APBB1IP: variants seen among roughly 807,000 people sequenced by gnomAD.
APBB1IP encodes the protein amyloid beta precursor protein binding family B member 1 interacting protein.
A neutral mutation model predicts 64.9 loss-of-function variants in APBB1IP; 27 were observed. That is an observed-to-expected ratio of 0.42 (90% confidence interval 0.31 to 0.57). The LOEUF (loss-of-function observed/expected upper bound fraction) is 0.57. APBB1IP is among the 20% of genes least tolerant of loss of function. The pLI is 0.20. For synonymous variants in APBB1IP, 392 were observed against 331.0 expected (o/e 1.18, Z -2.00); for missense variants, 812 against 845.5 (o/e 0.96, Z 0.49).
At chr10:26,472,501 T>A (rs1835730493) in intron 2 of APBB1IP, among the ~76,000 whole-genome samples, 1 of 152,224 alleles carries the variant, frequency 6.6e-6, no homozygotes, top group African/African-American at 2.4e-5. Context: ...GAGGTATCTG[T>A]GCAGTTAAAG....
At chr10:26,444,812 G>A (rs1335799973) in intron 2 of APBB1IP, among the ~76,000 whole-genome samples, 1 of 152,074 alleles carries the variant, frequency 6.6e-6, no homozygotes, top group Non-Finnish European at 1.5e-5. Flanking sequence ...TTAAGAAATG[G>A]GACATAGGCT....
intron 4 of APBB1IP, among the ~76,000 whole-genome samples, chr10:26,497,673 G>A (rs1021061991): frequency 2.0e-5 from 3 of 149,146 alleles, no homozygotes; most frequent in Non-Finnish European, 3.0e-5. Flanking sequence ...TAGGAGAAAA[G>A]TTCAATTACA....
In APBB1IP at chr10:26,513,648, T is replaced by A. The variant is rs776817044; in HGVS notation, c.801T>A (p.Phe267Leu). 3 of 1,611,618 alleles carry A rather than the reference T, an allele frequency of 1.9e-6. No homozygotes were observed. The African/African-American group carries it at 4.0e-5, about 22-fold the overall frequency. The stretch of plus-strand genomic sequence containing the variant: ...AGAAAGAGGAGAAATATGCTGTATT[T>A]AAAAACCCCCAGGTAAGATGATCTG... Reference protein sequence around the residue: ...FLEKEEKYAVFKNPQNFYLDN... With the variant: ...FLEKEEKYAVLKNPQNFYLDN... Residue 267 changes from phenylalanine (F) to leucine (L), a missense_variant, in exon 8 of 15, where the codon TTT (phenylalanine) becomes TTA (leucine). By Grantham distance (22) the Phe-to-Leu change is conservative. Coordinates refer to ENST00000376236, the MANE Select transcript of APBB1IP (RefSeq NM_019043.4).
At chr10:26,523,910 G>A (rs998519518) in intron 8 of APBB1IP, among the ~76,000 whole-genome samples, 1 of 152,122 alleles carries the variant, frequency 6.6e-6, no homozygotes, top group Non-Finnish European at 1.5e-5. Flanking sequence ...ACTGTCCTCT[G>A]CTTTACAAAG....
chr10:26,558,674 G>T (rs1022297556), intron 11 of APBB1IP, among the ~76,000 whole-genome samples: 1 of 151,948 alleles, frequency 6.6e-6, no homozygotes, highest in African/African-American at 2.4e-5. Flanking sequence ...CGACAGAGGA[G>T]GCTGAGGTGG....
intron 14 of APBB1IP, among the ~76,000 whole-genome samples, chr10:26,565,104 A>G (rs1357524710): frequency 6.6e-6 from 1 of 152,356 alleles, no homozygotes; most frequent in African/African-American, 2.4e-5. Flanking sequence ...CCTGTAGCCA[A>G]GAGAGAACTA....
intron 2 of APBB1IP, among the ~76,000 whole-genome samples, chr10:26,446,639 T>G (rs10829000): frequency 0.39 from 58,995 of 152,036 alleles, 11,639 homozygotes; most frequent in South Asian, 0.5. Context: ...GGAACTTTTT[T>G]TCCAGTTTCA....
At chr10:26,477,088 A>C (rs1835785143) in intron 2 of APBB1IP, among the ~76,000 whole-genome samples, 1 of 152,152 alleles carries the variant, frequency 6.6e-6, no homozygotes, top group African/African-American at 2.4e-5. Flanking sequence ...GGTGTGAACC[A>C]CCGTACCCAG....
chr10:26,518,735 A>C (rs1443829893), intron 8 of APBB1IP, among the ~76,000 whole-genome samples: 3 of 152,172 alleles, frequency 2.0e-5, no homozygotes, highest in African/African-American at 7.2e-5. Flanking sequence ...TGCCTGCTCA[A>C]ATCCTTTGCC....
chr10:26,500,385 T>C (rs1296810615), intron 4 of APBB1IP, among the ~76,000 whole-genome samples: 2 of 152,204 alleles, frequency 1.3e-5, no homozygotes, highest in East Asian at 3.8e-4. Context: ...ATAGCAGCAG[T>C]ACTCTCTTTG....
intron 2 of APBB1IP, among the ~76,000 whole-genome samples, chr10:26,478,640 G>A (rs898660265): frequency 6.6e-6 from 1 of 150,870 alleles, no homozygotes; most frequent in African/African-American, 2.4e-5. Context: ...GGAAAAGAAA[G>A]AGGCACTTGG....
intron 6 of APBB1IP, among the ~76,000 whole-genome samples, chr10:26,506,076 TC>T (rs1836172029): frequency 6.6e-6 from 1 of 152,148 alleles, no homozygotes; most frequent in Non-Finnish European, 1.5e-5. Context: ...ACTTTGCAGG[TC>T]CTCTGCCTCT....
chr10:26,563,788 C>G (rs952282052), intron 14 of APBB1IP, among the ~76,000 whole-genome samples: 5 of 152,110 alleles, frequency 3.3e-5, no homozygotes, highest in Admixed American at 6.5e-5. Context: ...TGGTATTTAT[C>G]GAACTTATAA....
intron 2 of APBB1IP, among the ~76,000 whole-genome samples, chr10:26,477,425 C>T (rs1835788449): frequency 6.6e-6 from 1 of 152,036 alleles, no homozygotes; most frequent in Non-Finnish European, 1.5e-5. Flanking sequence ...TTTCACCTAC[C>T]CTGGAGTTTG....
chr10:26,515,228 G>C (rs1836312152), intron 8 of APBB1IP, among the ~76,000 whole-genome samples: 1 of 152,078 alleles, frequency 6.6e-6, no homozygotes. Context: ...CATCTAAATT[G>C]CTGTAGCAAA....
intron 2 of APBB1IP, among the ~76,000 whole-genome samples, chr10:26,443,295 A>G (rs948716510): frequency 2.0e-5 from 3 of 152,052 alleles, no homozygotes; most frequent in Middle Eastern, 3.4e-3. Flanking sequence ...ATGGTGGTGC[A>G]TGCCTGTAAT....
At chr10:26,443,714 T>A (rs771600111) in intron 2 of APBB1IP, among the ~76,000 whole-genome samples, 30 of 151,226 alleles carry the variant, frequency 2.0e-4, no homozygotes, top group Non-Finnish European at 2.9e-4. Flanking sequence ...AAAAAAAAAA[T>A]TTTGTAGAGA....
chr10:26,468,547 T>A (rs1835674435), intron 2 of APBB1IP, among the ~76,000 whole-genome samples: 1 of 152,228 alleles, frequency 6.6e-6, no homozygotes, highest in African/African-American at 2.4e-5. Flanking sequence ...TATATGTTCG[T>A]GGGTTCCCTG....
chr10:26,495,877 T>A (rs1322876494), intron 3 of APBB1IP, among the ~76,000 whole-genome samples: 2 of 144,084 alleles, frequency 1.4e-5, no homozygotes, highest in East Asian at 3.9e-4. Context: ...ACTTAAGTCA[T>A]TACAGAATTT....
Sources: gnomAD v4.1 joint callset for allele counts (sites outside exome capture counted in the v4.1 genomes callset) on GRCh38, gnomAD v4.1.1 for gene constraint, MANE v1.5 for transcripts, NCBI Gene and HGNC (gene_info 2026-07-23, HGNC 2026-07-21) for gene names.